Variants in KCNT2 observed in about 807,000 individuals in gnomAD.
KCNT2 encodes the protein potassium channel subfamily T member 2.
A neutral mutation model predicts 153.8 loss-of-function variants in KCNT2; 67 were observed. The observed-to-expected ratio is 0.44, with a 90% confidence interval of 0.36 to 0.53. KCNT2 has a LOEUF of 0.53. Among genes scored for constraint, KCNT2 ranks in the 20% least tolerant of loss-of-function variants. The pLI is 0.00. For synonymous variants in KCNT2, 500 were observed against 458.8 expected (o/e 1.09, Z -1.15); for missense variants, 975 against 1,354.8 (o/e 0.72, Z 4.40).
intron 1 of KCNT2, among the ~76,000 whole-genome samples, chr1:196,529,264 T>A (rs1654635547): frequency 6.6e-6 from 1 of 152,162 alleles, no homozygotes; most frequent in African/African-American, 2.4e-5. Flanking sequence ...AAACTACAGA[T>A]TATGAAAAGT....
At chr1:196,476,610 C>T (rs1304371808) in intron 5 of KCNT2, among the ~76,000 whole-genome samples, 1 of 152,124 alleles carries the variant, frequency 6.6e-6, no homozygotes, top group Non-Finnish European at 1.5e-5. Context: ...CTCTAATTTA[C>T]TTATTGATCC....
Position 196,251,239 on chromosome 1 carries a change from T to C in KCNT2, c.3211+6955A>G, listed in dbSNP as rs183134481. 4.5e-3 allele frequency among the ~76,000 whole-genome samples: 678 copies of C among 152,220 alleles called. 4 individuals are homozygous for C. The highest frequency in any genetic ancestry group is 0.014 in the Middle Eastern group (4 of 294). On this transcript the variant is annotated intron_variant, in intron 26 of 27. Transcript: ENST00000294725. ...AAGAGATGGATGGATAAAGAAAATA[T>C]GATACATATATACAATGGAGTAAAG...
intron 13 of KCNT2, among the ~76,000 whole-genome samples, chr1:196,390,013 A>C (rs1230376789): frequency 1.3e-5 from 2 of 151,362 alleles, no homozygotes; most frequent in Non-Finnish European, 1.5e-5. Context: ...CATTTTGTAC[A>C]TGTGTGACCT....
intron 1 of KCNT2, among the ~76,000 whole-genome samples, chr1:196,572,642 A>T (rs1296928595): frequency 6.6e-6 from 1 of 152,054 alleles, no homozygotes; most frequent in East Asian, 1.9e-4. Context: ...TCTAAGGGTG[A>T]TGGATACTAT....
chr1:196,242,194 G>A (rs112309552), intron 26 of KCNT2, among the ~76,000 whole-genome samples: 2 of 152,026 alleles, frequency 1.3e-5, no homozygotes, highest in Non-Finnish European at 2.9e-5. Context: ...TATACAGATT[G>A]TCTTCATAGT....
intron 1 of KCNT2, among the ~76,000 whole-genome samples, chr1:196,535,993 C>A (rs928609511): frequency 1.3e-5 from 2 of 152,216 alleles, no homozygotes; most frequent in Admixed American, 6.5e-5. Flanking sequence ...CACTCCACCC[C>A]CTAAGCTGAG....
intron 3 of KCNT2, among the ~76,000 whole-genome samples, chr1:196,485,018 T>C (rs1202227281): frequency 6.6e-6 from 1 of 152,022 alleles, no homozygotes; most frequent in Non-Finnish European, 1.5e-5. Flanking sequence ...TGCAGCACTA[T>C]TTAAAATGGC....
chr1:196,342,685 G>T (rs1665784353), intron 14 of KCNT2, among the ~76,000 whole-genome samples: 2 of 151,226 alleles, frequency 1.3e-5, no homozygotes, highest in South Asian at 2.1e-4. Flanking sequence ...ATTTTATTTT[G>T]CTTTATACTT....
chr1:196,432,839 G>A (rs1351102389), intron 8 of KCNT2, among the ~76,000 whole-genome samples: 2 of 152,048 alleles, frequency 1.3e-5, no homozygotes, highest in African/African-American at 2.4e-5. Context: ...TAAGACTTTA[G>A]GGGCTACTGG....
intron 1 of KCNT2, among the ~76,000 whole-genome samples, chr1:196,537,288 G>T (rs1655713407): frequency 6.6e-6 from 1 of 152,198 alleles, no homozygotes; most frequent in Non-Finnish European, 1.5e-5. Context: ...GCAACACTGT[G>T]AAAGTCCATT....
intron 19 of KCNT2, 120 bp downstream of exon 19, chr1:196,326,597 T>C (rs931005836): frequency 9.7e-6 from 5 of 516,128 alleles, no homozygotes; most frequent in East Asian, 6.9e-5. Context: ...CAATGAATCA[T>C]GTACCATAAT....
chr1:196,600,409 C>A (rs1041375264), intron 1 of KCNT2, among the ~76,000 whole-genome samples: 40 of 152,208 alleles, frequency 2.6e-4, no homozygotes, highest in South Asian at 6.2e-4. Context: ...GGAACCACAG[C>A]TCCTAAGAGC....
intron 26 of KCNT2, among the ~76,000 whole-genome samples, chr1:196,241,510 C>T (rs1379617680): frequency 1.3e-5 from 2 of 151,954 alleles, no homozygotes; most frequent in Non-Finnish European, 2.9e-5. Context: ...GAGATAAGAA[C>T]TAAAGAAGAA....
At chr1:196,265,338 G>A (rs972302012) in intron 25 of KCNT2, among the ~76,000 whole-genome samples, 20 of 152,168 alleles carry the variant, frequency 1.3e-4, no homozygotes, top group Non-Finnish European at 2.5e-4. Context: ...TGCATTTGCT[G>A]AGTCTTTCCA....
At chr1:196,380,792 CA>C (rs1423232764) in intron 13 of KCNT2, among the ~76,000 whole-genome samples, 1 of 152,058 alleles carries the variant, frequency 6.6e-6, no homozygotes, top group Non-Finnish European at 1.5e-5. Context: ...TTTATTGCTA[CA>C]AAAAATTGTA....
At chr1:196,310,700 C>T (rs1662084804) in intron 21 of KCNT2, among the ~76,000 whole-genome samples, 1 of 151,814 alleles carries the variant, frequency 6.6e-6, no homozygotes, top group African/African-American at 2.4e-5. Flanking sequence ...AAAACTTGCC[C>T]TTCTATGCTC....
intron 22 of KCNT2, among the ~76,000 whole-genome samples, chr1:196,293,035 A>T (rs1034929595): frequency 6.6e-6 from 1 of 152,030 alleles, no homozygotes; most frequent in Non-Finnish European, 1.5e-5. Flanking sequence ...ATAGCATAAA[A>T]AAAAAATACT....
chr1:196,495,526 T>G (rs772791865), intron 1 of KCNT2, among the ~76,000 whole-genome samples: 2 of 152,008 alleles, frequency 1.3e-5, no homozygotes, highest in African/African-American at 2.4e-5. Context: ...TAATCTTGCC[T>G]CCCTCTCTTC....
chr1:196,261,029 G>A (rs1051892680), intron 25 of KCNT2, among the ~76,000 whole-genome samples: 6 of 151,732 alleles, frequency 4.0e-5, no homozygotes, highest in Non-Finnish European at 1.5e-5. Context: ...ATGTGTGTGT[G>A]TGTTTGTGTG....
Sources: gnomAD v4.1 joint callset for allele counts (sites outside exome capture counted in the v4.1 genomes callset) on GRCh38, gnomAD v4.1.1 for gene constraint, MANE v1.5 for transcripts, NCBI Gene and HGNC (gene_info 2026-07-23, HGNC 2026-07-21) for gene names.